The following MDM2 variants were observed in gnomAD, a reference collection of about 807,000 sequenced individuals.
MDM2 encodes MDM2 proto-oncogene.
A neutral mutation model predicts 64.3 loss-of-function variants in MDM2; 11 were observed. That is an observed-to-expected ratio of 0.17 (90% confidence interval 0.11 to 0.28). The LOEUF is 0.28. Among genes scored for constraint, MDM2 ranks in the 10% least tolerant of loss-of-function variants. The pLI, the probability that MDM2 is intolerant of heterozygous loss-of-function variation, is 1.00. For missense variants in MDM2, 388 were observed against 577.1 expected (o/e 0.67, Z 3.36); for synonymous variants, 194 against 192.9 (o/e 1.01, Z -0.05).
chr12:68,820,542 C>T (rs1881757147), intron 5 of MDM2, 168 bp downstream of exon 5: 2 of 586,340 alleles, frequency 3.4e-6, no homozygotes, highest in Non-Finnish European at 6.1e-6. Context: ...ACTAAAACCA[C>T]ATACTGAGGT....
intron 2 of MDM2, 88 bp downstream of exon 2, chr12:68,809,380 G>A: frequency 1.7e-6 from 2 of 1,194,728 alleles, no homozygotes; most frequent in Non-Finnish European, 2.5e-6. Context: ...TTGTAGCATG[G>A]CTCTGTAAAT....
chr12:68,828,805 A>C lies in MDM2; in HGVS notation c.558A>C (p.Gln186His). The C allele has an allele frequency of 6.2e-7, 1 of 1,614,104 alleles. No homozygotes were observed. The highest frequency in any genetic ancestry group is 8.5e-7 in the Non-Finnish European group (1 of 1,180,002). ...CAGATGAATTATCTGGTGAACGACA[A>C]AGAAAACGCCACAAATCTGATAGTA... is the stretch of plus-strand genomic sequence containing the variant. The part of the protein sequence containing the change: ...ENSDELSGER[Q>H]RKRHKSDSIS... Residue 186 changes from glutamine to histidine, a missense_variant, in exon 8 of 11, where the codon CAA (glutamine) becomes CAC (histidine). Around this residue, in one of 5 missense-constraint regions of MDM2, gnomAD observed 168 missense variants for 236.6 expected, o/e 0.71. Transcript: ENST00000258149.
chr12:68,825,201 T>G (rs3730575), intron 7 of MDM2, among the ~76,000 whole-genome samples: 10,599 of 152,022 alleles, frequency 0.07, 1,260 homozygotes, highest in African/African-American at 0.24. Context: ...CGTGTGAGAC[T>G]TCGTCTAAAA....
intron 5 of MDM2, among the ~76,000 whole-genome samples, chr12:68,823,020 T>G (rs1326181172): frequency 6.6e-6 from 1 of 152,138 alleles, no homozygotes; most frequent in Non-Finnish European, 1.5e-5. Flanking sequence ...GGATTACAAG[T>G]GTGAGCCACT....
Position 68,842,504 on chromosome 12 carries a change from T to A in MDM2, c.*2655T>A, listed in dbSNP as rs908709954. 2.6e-6 allele frequency: 1 copy of A among 384,384 alleles called. No individual in the cohort carries two copies. Among genetic ancestry groups the A allele is most frequent in the Non-Finnish European group, 5.1e-6 (1 of 197,554 alleles). 23.8% of individuals were successfully genotyped at this position (384,384 alleles called of 1,614,324 possible). The stretch of plus-strand genomic sequence containing the variant: ...TAAGGTCACTCCGATGAAAGGTGAT[T>A]ACAAAATCATCTACATTGCTGTCTA... On this transcript the variant is annotated 3_prime_UTR_variant, in exon 11 of 11. Transcript: ENST00000258149.
chr12:68,839,613 T>A lies in MDM2; in HGVS notation c.1258T>A (p.Phe420Ile). 2 of 1,613,092 alleles carry A rather than the reference T, an allele frequency of 1.2e-6. No individual in the cohort carries two copies. The highest frequency in any genetic ancestry group is 1.1e-5 in the South Asian group (1 of 91,052). ...TAGCAGCCAAGAAGATGTGAAAGAG[T>A]TTGAAAGGGAAGAAACCCAAGACAA... ...IYSSQEDVKE[F>I]EREETQDKEE... Residue 420 changes from phenylalanine (F) to isoleucine (I), a missense_variant, in exon 11 of 11, where the codon TTT (phenylalanine) becomes ATT (isoleucine). This residue lies in a region of MDM2 where 138 missense variants were observed against 143.7 expected (regional missense o/e 0.96). Transcript: ENST00000258149.
chr12:68,832,394 A>T (rs3730627), intron 8 of MDM2, among the ~76,000 whole-genome samples: 3,014 of 152,252 alleles, frequency 0.02, 111 homozygotes, highest in African/African-American at 0.069. Flanking sequence ...GTTTTAAATA[A>T]CTTGTTTAAG....
chr12:68,819,791 G>A (rs746698549), intron 4 of MDM2, among the ~76,000 whole-genome samples: 2 of 152,202 alleles, frequency 1.3e-5, no homozygotes, highest in Non-Finnish European at 2.9e-5. Context: ...CACTGCGCCC[G>A]GCCTCTGTTA....
At chr12:68,849,390 G>GT (rs67479332), downstream of MDM2, 3,845 of 129,108 alleles carry the variant, frequency 0.03, 149 homozygotes, top group African/African-American at 0.081. Context: ...GCGCCTGGCC[G>GT]TTTTTTTTTT....
chr12:68,822,746 C>T (rs1881967161), intron 5 of MDM2, among the ~76,000 whole-genome samples: 1 of 146,394 alleles, frequency 6.8e-6, no homozygotes. Flanking sequence ...AACTTTGTCA[C>T]TTTTTTTTTT....
chr12:68,845,029 A>G lies in MDM2; in HGVS notation c.*5180A>G, dbSNP rs1340975201. The G allele has an allele frequency of 1.5e-5, 3 of 200,768 alleles. No homozygotes were observed. 12.4% of individuals were successfully genotyped at this position (200,768 alleles called of 1,614,324 possible). On this transcript the variant is annotated 3_prime_UTR_variant, in exon 11 of 11. Coordinates refer to ENST00000258149, the MANE Select transcript of MDM2 (RefSeq NM_002392.6). The stretch of plus-strand genomic sequence containing the variant: ...GTGATCTGCCCGCCTTGGCCCCCCA[A>G]AGTGCTGTGATTACAGGCGTGAGCC...
At position 68,839,526 on chromosome 12, in the gene MDM2, G is replaced by C. The variant is rs772867033; in HGVS notation, c.1171G>C (p.Ala391Pro). Residue 391 changes from alanine (A) to proline (P), a missense_variant, in exon 11 of 11, where the codon GCT (alanine) becomes CCT (proline). Physicochemically the swap from Ala to Pro is conservative, Grantham distance 27. Transcript: ENST00000258149. ...VEENDDKITQ[A>P]SQSQESEDYS... ...GGAAAATGATGATAAAATTACACAA[G>C]CTTCACAATCACAAGAAAGTGAAGA... The C allele has an allele frequency of 1.9e-6, 3 of 1,613,844 alleles. No individual in the cohort carries two copies. The South Asian group carries it at 3.3e-5, about 18-fold the overall frequency.
At chr12:68,834,803 A>G (rs1335905437) in intron 8 of MDM2, among the ~76,000 whole-genome samples, 1 of 152,194 alleles carries the variant, frequency 6.6e-6, no homozygotes, top group Non-Finnish European at 1.5e-5. Context: ...GCAAGTGTAG[A>G]ATAAGCCATA....
chr12:68,840,010 A>G lies in MDM2; in HGVS notation c.*161A>G. 1 of 608,292 alleles carries G rather than the reference A, an allele frequency of 1.6e-6. No homozygotes were observed. Among genetic ancestry groups the G allele is most frequent in the Non-Finnish European group, 2.8e-6 (1 of 360,676 alleles). 37.7% of individuals were successfully genotyped at this position (608,292 alleles called of 1,614,324 possible). A position where few individuals can be genotyped will look rare whatever the true frequency, so the allele number is the denominator to read the frequency against. The stretch of plus-strand genomic sequence containing the variant: ...ACCTACTTTGGTAGTGGAATAGTGA[A>G]TACTTACTATAATTTGACTTGAATA... On this transcript the variant is annotated 3_prime_UTR_variant, in exon 11 of 11. Transcript: ENST00000258149.
intron 10 of MDM2, among the ~76,000 whole-genome samples, chr12:68,838,137 T>C (rs997668766): frequency 7.2e-5 from 11 of 152,170 alleles, no homozygotes; most frequent in African/African-American, 2.7e-4. Flanking sequence ...AAAACCCCCT[T>C]CTATAACTTG....
At chr12:68,814,885 T>G (rs900045601) in intron 3 of MDM2, among the ~76,000 whole-genome samples, 38 of 152,242 alleles carry the variant, frequency 2.5e-4, no homozygotes, top group Non-Finnish European at 5.4e-4. Context: ...ACTTAAAACA[T>G]TTAAGTTTCT....
intron 8 of MDM2, among the ~76,000 whole-genome samples, chr12:68,831,509 T>C (rs1882794830): frequency 6.6e-6 from 1 of 152,102 alleles, no homozygotes; most frequent in East Asian, 1.9e-4. Flanking sequence ...AGGTACCTGA[T>C]GGAGCAAGGG....
rs1048630767 is a variant in MDM2 at position 68,824,036 on chromosome 12, A to G, written c.359-327A>G. Among the ~76,000 whole-genome samples the G allele has an allele frequency of 2.0e-5, 3 of 152,152 alleles. No homozygotes were observed. The South Asian group carries it at 6.2e-4, about 32-fold the overall frequency. On this transcript the variant is annotated intron_variant, in intron 5 of 10. Transcript: ENST00000258149. ...TGGCCTTTCCTAGCCCTATTTTCATATTGTCCTACAAAATATTTCCTGATT... is the reference window on the plus strand; with the variant it reads ...TGGCCTTTCCTAGCCCTATTTTCATGTTGTCCTACAAAATATTTCCTGATT...
chr12:68,848,626 C>T (rs1476854710), downstream of MDM2: 4 of 152,172 alleles, frequency 2.6e-5, no homozygotes, highest in Admixed American at 1.3e-4. Flanking sequence ...AAATTGCTCC[C>T]TACAAAAAAG....
Sources: allele counts gnomAD v4.1 joint callset (sites outside exome capture counted in the v4.1 genomes callset), GRCh38; gene constraint gnomAD v4.1.1; regional missense constraint gnomAD v4.1.1; transcripts MANE v1.5; gene names NCBI Gene and HGNC (gene_info 2026-07-23, HGNC 2026-07-21).